The following LEMD1 variants were observed in gnomAD, a reference collection of about 807,000 sequenced individuals.
LEMD1 encodes the protein LEM domain containing 1, also known as LEM domain-containing protein 1.
A neutral mutation model predicts 17.4 loss-of-function variants in LEMD1; 18 were observed. The observed-to-expected ratio is 1.04, with a 90% CI of 0.72 to 1.54. The LOEUF (loss-of-function observed/expected upper bound fraction) is 1.54, where lower values mean the gene tolerates loss of function less well. LEMD1 is among the 40% of genes most tolerant of loss of function. The pLI is 0.00. For missense variants in LEMD1, 195 were observed against 210.4 expected (o/e 0.93, Z 0.45); for synonymous variants, 88 against 77.8 (o/e 1.13, Z -0.69).
At chr1:205,434,015 C>A (rs545445338) in intron 1 of LEMD1, among the ~76,000 whole-genome samples, 1 of 152,262 alleles carries the variant, frequency 6.6e-6, no homozygotes, top group South Asian at 2.1e-4. Context: ...CATAATAATT[C>A]TTTTTCAAAC....
intron 4 of LEMD1, among the ~76,000 whole-genome samples, chr1:205,400,692 T>G (rs1183246849): frequency 1.3e-5 from 2 of 152,124 alleles, no homozygotes; most frequent in Non-Finnish European, 2.9e-5. Context: ...TTGTCTTTTT[T>G]TTTCCTTTTT....
At chr1:205,388,143 G>A (rs770376075) in intron 4 of LEMD1, among the ~76,000 whole-genome samples, 9 of 151,920 alleles carry the variant, frequency 5.9e-5, no homozygotes, top group Non-Finnish European at 1.3e-4. Context: ...GAAATACCAT[G>A]TTCTGAACAT....
intron 4 of LEMD1, among the ~76,000 whole-genome samples, chr1:205,403,105 A>C (rs908835356): frequency 1.1e-3 from 163 of 152,120 alleles, no homozygotes; most frequent in African/African-American, 3.8e-3. Flanking sequence ...CGGTGTGCCA[A>C]TATTTTATTG....
At chr1:205,415,336 A>C (rs1344875613) in intron 4 of LEMD1, among the ~76,000 whole-genome samples, 1 of 152,200 alleles carries the variant, frequency 6.6e-6, no homozygotes, top group Admixed American at 6.5e-5. Context: ...CCTGTGCCTC[A>C]GGAGAGAAGC....
intron 4 of LEMD1, among the ~76,000 whole-genome samples, chr1:205,405,492 A>G (rs935014483): frequency 4.9e-5 from 7 of 143,778 alleles, no homozygotes; most frequent in Non-Finnish European, 1.1e-4. Context: ...AGTTGATCGC[A>G]TCGGCTCCTG....
At chr1:205,443,635 G>A (rs1248382282) in intron 1 of LEMD1, among the ~76,000 whole-genome samples, 1 of 152,152 alleles carries the variant, frequency 6.6e-6, no homozygotes, top group East Asian at 1.9e-4. Context: ...AACAGGGCCT[G>A]GTTATTCTGC....
At chr1:205,430,848 A>AG (rs930262311) in intron 1 of LEMD1, among the ~76,000 whole-genome samples, 3 of 152,256 alleles carry the variant, frequency 2.0e-5, no homozygotes, top group South Asian at 2.1e-4. Flanking sequence ...CAGCAGACGG[A>AG]ACTCGACTTA....
At chr1:205,405,177 T>C (rs1295994387) in intron 4 of LEMD1, among the ~76,000 whole-genome samples, 2 of 152,060 alleles carry the variant, frequency 1.3e-5, no homozygotes, top group Non-Finnish European at 2.9e-5. Flanking sequence ...GACAATTATG[T>C]GTCTTGGAGT....
intron 4 of LEMD1, among the ~76,000 whole-genome samples, chr1:205,406,702 C>A (rs11240471): frequency 6.6e-6 from 1 of 151,996 alleles, no homozygotes; most frequent in Non-Finnish European, 1.5e-5. Context: ...GCACATGGTG[C>A]GCTGCACCCA....
chr1:205,383,339 C>G (rs1284892510), intron 5 of LEMD1, among the ~76,000 whole-genome samples: 1 of 152,224 alleles, frequency 6.6e-6, no homozygotes, highest in Non-Finnish European at 1.5e-5. Context: ...AAGTGATCCT[C>G]CTACCTCAGC....
intron 1 of LEMD1, chr1:205,449,740 CCT>C (rs1266198341): frequency 2.0e-5 from 3 of 153,338 alleles, no homozygotes; most frequent in Non-Finnish European, 2.9e-5. Context: ...TCCTTTCCTT[CCT>C]CTCTCATGGG....
intron 4 of LEMD1, among the ~76,000 whole-genome samples, chr1:205,414,406 G>A (rs2102422288): frequency 6.8e-6 from 1 of 146,426 alleles, no homozygotes; most frequent in East Asian, 2.1e-4. Context: ...GACAGCGTGA[G>A]ACCCCTGTCT....
intron 1 of LEMD1, among the ~76,000 whole-genome samples, chr1:205,445,667 C>A (rs1194100681): frequency 1.3e-5 from 2 of 152,208 alleles, no homozygotes; most frequent in African/African-American, 4.8e-5. Flanking sequence ...GAGGTCAGAG[C>A]AGCAATAGTC....
At chr1:205,426,477 C>T (rs1222615004), upstream of LEMD1, among the ~76,000 whole-genome samples, 1 of 152,194 alleles carries the variant, frequency 6.6e-6, no homozygotes, top group East Asian at 1.9e-4. Context: ...AGAGAAAAAT[C>T]TCCCCTGGTT....
At chr1:205,430,747 C>T (rs968464108) in intron 1 of LEMD1, among the ~76,000 whole-genome samples, 1 of 152,244 alleles carries the variant, frequency 6.6e-6, no homozygotes, top group Non-Finnish European at 1.5e-5. Flanking sequence ...GCCGGCGAGG[C>T]GCACTGCGCA....
chr1:205,411,445 C>T (rs1665422287), intron 4 of LEMD1, among the ~76,000 whole-genome samples: 1 of 151,570 alleles, frequency 6.6e-6, no homozygotes, highest in Non-Finnish European at 1.5e-5. Context: ...GTCCCAGCTA[C>T]CCGGAGAGGC....
chr1:205,421,103 T>G (rs1665941588), intron 1 of LEMD1, among the ~76,000 whole-genome samples: 1 of 152,162 alleles, frequency 6.6e-6, no homozygotes, highest in African/African-American at 2.4e-5. Flanking sequence ...ATGGTAGTTT[T>G]TAATTAACCA....
At chr1:205,406,760 A>G (rs1665132413) in intron 4 of LEMD1, among the ~76,000 whole-genome samples, 1 of 152,152 alleles carries the variant, frequency 6.6e-6, no homozygotes, top group Admixed American at 6.5e-5. Context: ...TGAACCTGGT[A>G]CCTCAGATGG....
chr1:205,383,627 T>G (rs1011291271), intron 5 of LEMD1, among the ~76,000 whole-genome samples: 21 of 151,206 alleles, frequency 1.4e-4, no homozygotes, highest in African/African-American at 4.4e-4. Context: ...TCCTTTTTTT[T>G]TTTTCTTTTT....
Sources: allele counts gnomAD v4.1 joint callset (sites outside exome capture counted in the v4.1 genomes callset), GRCh38; gene constraint gnomAD v4.1.1; transcripts MANE v1.5; gene names NCBI Gene and HGNC (gene_info 2026-07-23, HGNC 2026-07-21).